Variants in KCNT2 observed in about 807,000 individuals in gnomAD.
KCNT2 encodes potassium channel subfamily T member 2.
In KCNT2, 67 loss-of-function variants were observed where a neutral mutation model predicts 153.8. That is an observed-to-expected ratio of 0.44 (90% CI 0.36 to 0.53). The LOEUF is 0.53. KCNT2 is among the 20% of genes least tolerant of loss of function. The pLI is 0.00. For missense variants in KCNT2, 975 were observed against 1,354.8 expected (o/e 0.72, Z 4.40); for synonymous variants, 500 against 458.8 (o/e 1.09, Z -1.15).
At position 196,247,969 on chromosome 1, in the gene KCNT2, A is replaced by T. The variant is rs540377597; in HGVS notation, c.3211+10225T>A. On this transcript the variant is annotated intron_variant, in intron 26 of 27. Transcript: ENST00000294725. ...CAAGTATATTCTCTGACCACAAAGGAATAAAACTACAAATCAACAAGAGAA... is the reference window on the plus strand; with the variant it reads ...CAAGTATATTCTCTGACCACAAAGGTATAAAACTACAAATCAACAAGAGAA... Among the ~76,000 whole-genome samples the T allele has an allele frequency of 7.2e-5, 11 of 152,342 alleles. No homozygotes were observed. The South Asian group carries it at 1.4e-3, about 20-fold the overall frequency.
intron 19 of KCNT2, among the ~76,000 whole-genome samples, chr1:196,323,508 C>G (rs574394913): frequency 6.6e-5 from 10 of 151,972 alleles, no homozygotes; most frequent in Admixed American, 5.3e-4. Flanking sequence ...AGAACTGACA[C>G]CAGCTCTAAT....
At chr1:196,375,398 A>T (rs932097468) in intron 13 of KCNT2, among the ~76,000 whole-genome samples, 3 of 151,852 alleles carry the variant, frequency 2.0e-5, no homozygotes, top group African/African-American at 7.2e-5. Flanking sequence ...GTTCCTTTGT[A>T]CACTGAATTA....
intron 27 of KCNT2, among the ~76,000 whole-genome samples, chr1:196,234,644 G>A (rs899970224): frequency 1.3e-5 from 2 of 151,156 alleles, no homozygotes; most frequent in Middle Eastern, 3.2e-3. Context: ...CACTCCAGTC[G>A]AAATCTTCCA....
chr1:196,257,149 C>A, intron 26 of KCNT2: 1 of 719,666 alleles, frequency 1.4e-6, no homozygotes, highest in Non-Finnish European at 1.7e-6. Context: ...AAATGAGATA[C>A]CTATCAAATC....
At chr1:196,554,043 A>G (rs183724985) in intron 1 of KCNT2, among the ~76,000 whole-genome samples, 11 of 151,200 alleles carry the variant, frequency 7.3e-5, no homozygotes, top group Non-Finnish European at 1.3e-4. Context: ...ATATTTATAA[A>G]TGCAATGAAT....
At chr1:196,259,883 T>C (rs1409294659) in intron 25 of KCNT2, among the ~76,000 whole-genome samples, 1 of 151,950 alleles carries the variant, frequency 6.6e-6, no homozygotes, top group Non-Finnish European at 1.5e-5. Flanking sequence ...AAGTTTTTAA[T>C]ACCATGGTTT....
In KCNT2 at chr1:196,245,193, C is replaced by A. The variant is rs555034205; in HGVS notation, c.3212-9123G>T. Among the ~76,000 whole-genome samples, 531 of 152,026 alleles carry A rather than the reference C, an allele frequency of 3.5e-3. 2 individuals are homozygous for A. The highest frequency in any genetic ancestry group is 6.6e-3 in the Non-Finnish European group (452 of 67,974). ...CTGCAGTGACCAAAAACTTTAAACACAAAGTCCAAGTCTCAGGCAGGTTGT... is the reference window on the plus strand; with the variant it reads ...CTGCAGTGACCAAAAACTTTAAACAAAAAGTCCAAGTCTCAGGCAGGTTGT... On this transcript the variant is annotated intron_variant, in intron 26 of 27. Transcript: ENST00000294725.
chr1:196,299,203 CT>C (rs2147952656), intron 22 of KCNT2, among the ~76,000 whole-genome samples: 2 of 152,040 alleles, frequency 1.3e-5, no homozygotes, highest in Admixed American at 1.3e-4. Flanking sequence ...TCTTTTCCTC[CT>C]TGCCTTCTCC....
At chr1:196,361,308 C>T (rs1325430915) in intron 14 of KCNT2, among the ~76,000 whole-genome samples, 1 of 151,986 alleles carries the variant, frequency 6.6e-6, no homozygotes, top group Non-Finnish European at 1.5e-5. Flanking sequence ...CTTTCTCATA[C>T]ATCCATTGAT....
At chr1:196,556,118 C>A (rs1658622569) in intron 1 of KCNT2, among the ~76,000 whole-genome samples, 1 of 151,250 alleles carries the variant, frequency 6.6e-6, no homozygotes, top group Non-Finnish European at 1.5e-5. Flanking sequence ...TAATAACCCA[C>A]AAGCACAGGC....
chr1:196,317,501 C>T (rs550867081), intron 20 of KCNT2, among the ~76,000 whole-genome samples: 127 of 151,700 alleles, frequency 8.4e-4, no homozygotes, highest in African/African-American at 2.9e-3. Context: ...CAAAATGACG[C>T]TTAAGTCATA....
intron 1 of KCNT2, among the ~76,000 whole-genome samples, chr1:196,601,452 C>A (rs998309750): frequency 6.6e-6 from 1 of 152,136 alleles, no homozygotes; most frequent in African/African-American, 2.4e-5. Flanking sequence ...ATCCCTAGAG[C>A]TTAGTGTGCT....
intron 22 of KCNT2, among the ~76,000 whole-genome samples, chr1:196,294,945 G>T (rs1425960337): frequency 1.3e-5 from 2 of 151,514 alleles, no homozygotes; most frequent in Non-Finnish European, 2.9e-5. Context: ...CAACGTTTCA[G>T]TTAAGAGGAA....
intron 8 of KCNT2, among the ~76,000 whole-genome samples, chr1:196,459,198 A>C (rs1449630366): frequency 6.6e-6 from 1 of 151,706 alleles, no homozygotes; most frequent in African/African-American, 2.4e-5. Flanking sequence ...TGTCTATGCA[A>C]AAAACATTAG....
chr1:196,490,965 T>C (rs1397039136), intron 2 of KCNT2, among the ~76,000 whole-genome samples: 2 of 152,044 alleles, frequency 1.3e-5, no homozygotes, highest in Admixed American at 6.6e-5. Flanking sequence ...AAAAGGTCGA[T>C]GCTTATCATT....
At chr1:196,370,374 T>C (rs189531271) in intron 14 of KCNT2, among the ~76,000 whole-genome samples, 1 of 152,210 alleles carries the variant, frequency 6.6e-6, no homozygotes, top group African/African-American at 2.4e-5. Flanking sequence ...TATGAAGTCA[T>C]CTAATTTATT....
At chr1:196,603,542 G>A (rs1287495474) in intron 1 of KCNT2, among the ~76,000 whole-genome samples, 1 of 152,112 alleles carries the variant, frequency 6.6e-6, no homozygotes, top group Non-Finnish European at 1.5e-5. Flanking sequence ...AAATGCTGTG[G>A]AAATATTTTT....
At chr1:196,350,164 C>T (rs1247242188) in intron 14 of KCNT2, among the ~76,000 whole-genome samples, 3 of 152,142 alleles carry the variant, frequency 2.0e-5, no homozygotes, top group East Asian at 3.9e-4. Flanking sequence ...CCGCAATAAA[C>T]ATACGTGTGC....
At chr1:196,443,786 T>A (rs1348912054) in intron 8 of KCNT2, among the ~76,000 whole-genome samples, 1 of 151,576 alleles carries the variant, frequency 6.6e-6, no homozygotes, top group African/African-American at 2.4e-5. Context: ...CTTATGTTAA[T>A]TTGAAAGGAT....
Sources: gnomAD v4.1 joint callset for allele counts (sites outside exome capture counted in the v4.1 genomes callset) on GRCh38, gnomAD v4.1.1 for gene constraint, MANE v1.5 for transcripts, NCBI Gene and HGNC (gene_info 2026-07-23, HGNC 2026-07-21) for gene names.